FYN: variants seen among roughly 807,000 people sequenced by gnomAD.
The protein encoded by FYN is tyrosine-protein kinase Fyn.
A neutral mutation model predicts 70.2 loss-of-function variants in FYN; 10 were observed. That is an observed-to-expected ratio of 0.14 (90% confidence interval 0.09 to 0.24). The LOEUF is 0.24. Among genes scored for constraint, FYN ranks in the 10% least tolerant of loss-of-function variants. The probability of loss-of-function intolerance (pLI) is 1.00; values close to 1 mark genes in which losing one functional copy is unlikely to be tolerated. For missense variants in FYN, 319 were observed against 673.1 expected (o/e 0.47, Z 5.82); for synonymous variants, 236 against 248.6 (o/e 0.95, Z 0.48).
In FYN at chr6:111,825,473, G is replaced by GT. The variant is rs1367761446; in HGVS notation, c.-82+21115dup. ...AAGTTACTAAGCTTCTCTGACTGTG[G>GT]TTTTCTCATCAGTAAAATGAAGATC... On this transcript the variant is annotated intron_variant, in intron 2 of 13. Transcript: ENST00000354650. 3.9e-5 allele frequency among the ~76,000 whole-genome samples: 6 copies of GT among 152,156 alleles called. No individual in the cohort carries two copies. The East Asian group carries it at 7.7e-4, about 19-fold the overall frequency.
At chr6:111,668,974 G>C (rs920126611) in intron 13 of FYN, among the ~76,000 whole-genome samples, 2 of 152,200 alleles carry the variant, frequency 1.3e-5, no homozygotes, top group Admixed American at 6.5e-5. Context: ...CTAAGGCAGA[G>C]GGAGGACCAG....
chr6:111,842,045 C>A (rs1401844874), intron 2 of FYN, among the ~76,000 whole-genome samples: 1 of 152,038 alleles, frequency 6.6e-6, no homozygotes, highest in African/African-American at 2.4e-5. Flanking sequence ...TCTCTCCCTG[C>A]CCGCAAGTCA....
intron 3 of FYN, among the ~76,000 whole-genome samples, chr6:111,766,607 G>T (rs770269684): frequency 3.5e-4 from 54 of 152,146 alleles, no homozygotes; most frequent in Non-Finnish European, 6.0e-4. Context: ...AAGCATGGCT[G>T]GGAAGGCCTC....
chr6:111,766,224 C>T (rs903160334), intron 3 of FYN, among the ~76,000 whole-genome samples: 3 of 152,148 alleles, frequency 2.0e-5, no homozygotes, highest in Non-Finnish European at 4.4e-5. Flanking sequence ...GTCACTTGCC[C>T]AAGACCCCAC....
At chr6:111,750,717 A>AT (rs71759856) in intron 3 of FYN, among the ~76,000 whole-genome samples, 59,051 of 130,684 alleles carry the variant, frequency 0.45, 13,062 homozygotes, top group East Asian at 0.62. Flanking sequence ...AATTCATGTC[A>AT]TTTTTTTTTT....
At chr6:111,755,344 A>G (rs935337861) in intron 3 of FYN, among the ~76,000 whole-genome samples, 3 of 152,194 alleles carry the variant, frequency 2.0e-5, no homozygotes, top group Non-Finnish European at 4.4e-5. Context: ...ATGCCAATGG[A>G]AAGTTCTTTA....
intron 3 of FYN, among the ~76,000 whole-genome samples, chr6:111,780,249 G>A (rs1461737807): frequency 2.0e-5 from 3 of 152,124 alleles, no homozygotes; most frequent in Non-Finnish European, 4.4e-5. Flanking sequence ...GGGTCTGCAA[G>A]TTTATTACTC....
At chr6:111,802,984 T>C (rs1282713993) in intron 2 of FYN, among the ~76,000 whole-genome samples, 2 of 152,198 alleles carry the variant, frequency 1.3e-5, no homozygotes, top group African/African-American at 2.4e-5. Flanking sequence ...GACCAGAAGA[T>C]GACCAGAATC....
chr6:111,764,280 A>G (rs1803136267), intron 3 of FYN, among the ~76,000 whole-genome samples: 2 of 151,564 alleles, frequency 1.3e-5, no homozygotes, highest in Non-Finnish European at 2.9e-5. Flanking sequence ...GCGATTTGAA[A>G]TATTTAATAA....
intron 13 of FYN, among the ~76,000 whole-genome samples, chr6:111,671,412 T>C (rs1798260760): frequency 6.6e-6 from 1 of 152,190 alleles, no homozygotes; most frequent in Non-Finnish European, 1.5e-5. Context: ...CCAATTTATA[T>C]GTCACCCCCT....
chr6:111,744,945 A>G (rs1802142396), intron 3 of FYN, among the ~76,000 whole-genome samples: 1 of 152,172 alleles, frequency 6.6e-6, no homozygotes, highest in South Asian at 2.1e-4. Flanking sequence ...GAATATTGTC[A>G]TGTTCTCCTT....
At chr6:111,807,791 C>G (rs1244731827) in intron 2 of FYN, among the ~76,000 whole-genome samples, 1 of 152,130 alleles carries the variant, frequency 6.6e-6, no homozygotes, top group Non-Finnish European at 1.5e-5. Flanking sequence ...GGGGACCACA[C>G]TGGTATAGAA....
chr6:111,806,217 G>T (rs975902874), intron 2 of FYN, among the ~76,000 whole-genome samples: 1 of 152,162 alleles, frequency 6.6e-6, no homozygotes, highest in Non-Finnish European at 1.5e-5. Flanking sequence ...GCACGAGCTT[G>T]TAACTCCTGG....
chr6:111,838,563 G>T (rs1431345602), intron 2 of FYN, among the ~76,000 whole-genome samples: 1 of 152,210 alleles, frequency 6.6e-6, no homozygotes, highest in African/African-American at 2.4e-5. Context: ...ACAGGGCTTT[G>T]CACATTTGTC....
intron 13 of FYN, among the ~76,000 whole-genome samples, chr6:111,671,461 C>A (rs2128406942): frequency 6.6e-6 from 1 of 152,330 alleles, no homozygotes; most frequent in East Asian, 1.9e-4. Context: ...GGCAAAGGAG[C>A]TTTCTTATGT....
chr6:111,833,080 C>G (rs1290346107), intron 2 of FYN, among the ~76,000 whole-genome samples: 1 of 152,190 alleles, frequency 6.6e-6, no homozygotes, highest in Non-Finnish European at 1.5e-5. Context: ...ACAAATCCCA[C>G]CAGTTTTACA....
At chr6:111,715,912 A>G (rs1166128283) in intron 4 of FYN, among the ~76,000 whole-genome samples, 1 of 152,252 alleles carries the variant, frequency 6.6e-6, no homozygotes, top group Non-Finnish European at 1.5e-5. Flanking sequence ...GCGGTGCCAC[A>G]CTTTATGTCA....
chr6:111,857,132 A>G (rs1162491025), intron 1 of FYN, among the ~76,000 whole-genome samples: 2 of 152,230 alleles, frequency 1.3e-5, no homozygotes, highest in Non-Finnish European at 1.5e-5. Context: ...TTTATTTAGC[A>G]CATGAGAACT....
At chr6:111,864,303 T>C (rs1774044299) in intron 1 of FYN, among the ~76,000 whole-genome samples, 1 of 152,194 alleles carries the variant, frequency 6.6e-6, no homozygotes, top group Admixed American at 6.5e-5. Context: ...CAGACTGCTG[T>C]GTTCAGATCC....
Sources: allele counts gnomAD v4.1 joint callset (sites outside exome capture counted in the v4.1 genomes callset), GRCh38; gene constraint gnomAD v4.1.1; transcripts MANE v1.5; gene names NCBI Gene and HGNC (gene_info 2026-07-23, HGNC 2026-07-21).